Variants in NUP210 observed in about 807,000 individuals in gnomAD.
NUP210 encodes nucleoporin 210, also known as nuclear pore membrane glycoprotein 210.
A neutral mutation model predicts 196.0 loss-of-function variants in NUP210; 151 were observed. That is an observed-to-expected ratio of 0.77 (90% confidence interval 0.67 to 0.88). The LOEUF (loss-of-function observed/expected upper bound fraction) is 0.88. Among genes scored for constraint, NUP210 ranks in the 40% least tolerant of loss-of-function variants. The pLI is 0.00. For synonymous variants in NUP210, 1,070 were observed against 1,052.7 expected, an observed-to-expected ratio of 1.02 and a Z score of -0.32; for missense variants, 2,314 against 2,493.7, an observed-to-expected ratio of 0.93 and a Z score of 1.53.
intron 13 of NUP210, 132 bp from the exon 14 acceptor site, chr3:13,366,223 G>A: frequency 1.2e-6 from 1 of 813,402 alleles, no homozygotes; most frequent in African/African-American, 1.7e-5. Flanking sequence ...CCGCCTCCGG[G>A]GTTCAAGTGA....
intron 9 of NUP210, among the ~76,000 whole-genome samples, chr3:13,377,218 G>A (rs1698942621): frequency 6.6e-6 from 1 of 152,072 alleles, no homozygotes; most frequent in Non-Finnish European, 1.5e-5. Context: ...GGCAACCTCT[G>A]CCCTCCAGCC....
chr3:13,353,164 C>T (rs1039701049), intron 18 of NUP210, among the ~76,000 whole-genome samples: 11 of 152,116 alleles, frequency 7.2e-5, no homozygotes, highest in African/African-American at 2.7e-4. Flanking sequence ...TCAAAGTTTG[C>T]TCCCAAGAGG....
chr3:13,335,417 C>T (rs1178848848), intron 28 of NUP210, 37 bp downstream of exon 28: 1 of 1,592,830 alleles, frequency 6.3e-7, no homozygotes, highest in Admixed American at 1.7e-5. Flanking sequence ...GGCACTTCCT[C>T]TCCCCCTTCC....
At chr3:13,390,155 C>A (rs1699439686) in intron 4 of NUP210, among the ~76,000 whole-genome samples, 1 of 152,180 alleles carries the variant, frequency 6.6e-6, no homozygotes, top group Non-Finnish European at 1.5e-5. Context: ...AGTGCCATGA[C>A]TGCATGGTGG....
rs1375777181 is a variant in NUP210, at chr3:13,372,949, T to A, written c.1587+769A>T. On this transcript the variant is annotated intron_variant, in intron 12 of 39. Coordinates refer to ENST00000254508, the MANE Select transcript of NUP210 (RefSeq NM_024923.4). ...CAGTTTATCCCAACGCTGGACCTCATGCTTCATCTCAAGGGCCTGTGTGAA... is the reference window on the plus strand; with the variant it reads ...CAGTTTATCCCAACGCTGGACCTCAAGCTTCATCTCAAGGGCCTGTGTGAA... 2.6e-5 allele frequency among the ~76,000 whole-genome samples: 4 copies of A among 152,172 alleles called. No individual in the cohort carries two copies. The East Asian group carries it at 7.7e-4, about 29-fold the overall frequency.
chr3:13,406,848 C>T, intron 1 of NUP210, among the ~76,000 whole-genome samples: 1 of 150,674 alleles, frequency 6.6e-6, no homozygotes, highest in East Asian at 2.0e-4. Flanking sequence ...ACCCCCCCCA[C>T]CCCCCACACG....
At chr3:13,375,816 C>T (rs1698884690) in intron 10 of NUP210, among the ~76,000 whole-genome samples, 175 bp from the exon 11 acceptor site, 1 of 152,196 alleles carries the variant, frequency 6.6e-6, no homozygotes, top group South Asian at 2.1e-4. Flanking sequence ...ACGGGGATGG[C>T]TTTGTGAAGT....
chr3:13,404,784 C>G lies in NUP210; in HGVS notation c.168-4923G>C, dbSNP rs114394362. ...AGGTGTCCCTGGAGATTCAGGCTGG[C>G]TCTTTCCCAGGCTGGGAATGAAAGA... On this transcript the variant is annotated intron_variant, in intron 1 of 39. Transcript: ENST00000254508. Among the ~76,000 whole-genome samples the G allele has an allele frequency of 3.0e-3, 462 of 152,302 alleles. 3 individuals are homozygous for G. The highest frequency in any genetic ancestry group is 0.01 in the African/African-American group (434 of 41,566).
Position 13,347,691 on chromosome 3 carries a change from C to T in NUP210, c.2835+4188G>A, listed in dbSNP as rs899375883. On this transcript the variant is annotated intron_variant, in intron 20 of 39. Coordinates refer to ENST00000254508, the MANE Select transcript of NUP210 (RefSeq NM_024923.4). This position sits in a 1 kb window ranked among gnomAD's most constrained non-coding sequence, Gnocchi z 4.7. ...CCCTTTCTCTGAGCTAACTGGGGAG[C>T]GCTGGGGGCTTGTCTATCTCTGTGC... Among the ~76,000 whole-genome samples, 1 of 152,172 alleles carries T rather than the reference C, an allele frequency of 6.6e-6. No homozygotes were observed. Among genetic ancestry groups the T allele is most frequent in the African/African-American group, 2.4e-5 (1 of 41,438 alleles).
chr3:13,325,807 C>A lies in NUP210; in HGVS notation c.4632G>T (p.Arg1544Ser). The A allele has an allele frequency of 2.5e-6, 4 of 1,613,874 alleles. No homozygotes were observed. The highest frequency in any genetic ancestry group is 3.4e-6 in the Non-Finnish European group (4 of 1,180,010). Residue 1544 changes from arginine (R) to serine (S), a missense_variant, in exon 33 of 40, where the codon AGG becomes AGT. Transcript: ENST00000254508. ...TVYYEVAGHL[R>S]TYKEVVVSVP... ...GCTTAGAGCCCACCTCCTTGTAGGT[C>A]CTCAGGTGCCCAGCGACCTCATAGT... is the stretch of plus-strand genomic sequence containing the variant.
intron 3 of NUP210, among the ~76,000 whole-genome samples, chr3:13,396,094 T>C (rs1381351936): frequency 2.0e-5 from 3 of 152,184 alleles, no homozygotes; most frequent in African/African-American, 7.2e-5. Context: ...CTGCTAGTGC[T>C]CTAAACAGTG....
In NUP210 at chr3:13,327,215, A is replaced by T. The variant is rs1236060652; in HGVS notation, c.4507+2T>A. The T allele has an allele frequency of 6.2e-7, 1 of 1,611,498 alleles. No homozygotes were observed. The highest frequency in any genetic ancestry group is 8.5e-7 in the Non-Finnish European group (1 of 1,179,080). On this transcript the variant is annotated splice_donor_variant, in intron 32 of 39. Transcript: ENST00000254508. LOFTEE classifies it high-confidence loss of function. ...GGTTCCCTTGCTCAGGATCTATCTT[A>T]CCTTCCAGGCTGGTCAGAACAGTGG...
At chr3:13,322,623 CCA>C (rs1696587001) in intron 34 of NUP210, among the ~76,000 whole-genome samples, 1 of 152,256 alleles carries the variant, frequency 6.6e-6, no homozygotes, top group Non-Finnish European at 1.5e-5. Context: ...CGGGCTAGGC[CCA>C]CTAATGCCTG....
chr3:13,392,710 T>C (rs1699529714), intron 3 of NUP210, among the ~76,000 whole-genome samples: 1 of 152,176 alleles, frequency 6.6e-6, no homozygotes, highest in Non-Finnish European at 1.5e-5. Context: ...GCTCTGACTG[T>C]GAGAACCTTC....
At chr3:13,418,639 C>A (rs927555301) in intron 1 of NUP210, among the ~76,000 whole-genome samples, 1 of 152,022 alleles carries the variant, frequency 6.6e-6, no homozygotes, top group African/African-American at 2.4e-5. Flanking sequence ...ATGCAAAAAA[C>A]TAGCTGGGTG....
intron 1 of NUP210, among the ~76,000 whole-genome samples, chr3:13,400,713 G>A (rs1156880974): frequency 6.6e-6 from 1 of 152,186 alleles, no homozygotes; most frequent in Non-Finnish European, 1.5e-5. Context: ...AGGATCTGGG[G>A]TGAAGCAGGG....
At chr3:13,371,106 GTCT>G (rs1422136749) in intron 13 of NUP210, among the ~76,000 whole-genome samples, 2 of 152,320 alleles carry the variant, frequency 1.3e-5, no homozygotes, top group South Asian at 4.1e-4. Flanking sequence ...CTGTCCTTTG[GTCT>G]TCTTCTTCGG....
intron 16 of NUP210, chr3:13,354,677 C>T (rs1225645048): frequency 1.3e-5 from 2 of 153,422 alleles, no homozygotes; most frequent in Non-Finnish European, 2.9e-5. Flanking sequence ...CCTAAGATGT[C>T]CCAGAGCTAC....
chr3:13,330,390 C>T (rs1696945984), intron 30 of NUP210, 70 bp downstream of exon 30: 4 of 1,430,592 alleles, frequency 2.8e-6, no homozygotes, highest in Admixed American at 3.9e-5. Flanking sequence ...TTCACTTTTA[C>T]ACCTGAGAGG....
Sources: gnomAD v4.1 joint callset for allele counts (sites outside exome capture counted in the v4.1 genomes callset) on GRCh38, gnomAD v4.1.1 for gene constraint, Gnocchi (gnomAD v3.1) non-coding constraint, MANE v1.5 for transcripts, NCBI Gene and HGNC (gene_info 2026-07-23, HGNC 2026-07-21) for gene names.